FGF12: variants seen among roughly 807,000 people sequenced by gnomAD.
FGF12 encodes the protein fibroblast growth factor 12.
A neutral mutation model predicts 23.6 loss-of-function variants in FGF12; 14 were observed. The observed-to-expected ratio is 0.59, with a 90% CI of 0.39 to 0.93. FGF12 has a LOEUF of 0.93. FGF12 is among the 40% of genes least tolerant of loss of function. FGF12 has a pLI of 0.00. For synonymous variants in FGF12, 62 were observed against 77.3 expected, an observed-to-expected ratio of 0.80 and a Z score of 1.04; for missense variants, 175 against 217.8, an observed-to-expected ratio of 0.80 and a Z score of 1.24.
intron 2 of FGF12, among the ~76,000 whole-genome samples, chr3:192,719,802 A>ACC (rs1553849218): frequency 2.2e-5 from 3 of 138,960 alleles, no homozygotes; most frequent in East Asian, 4.5e-4. Flanking sequence ...AAAAAAAAAA[A>ACC]AAGAAAAACA....
chr3:192,353,221 T>A (rs1235153466), intron 3 of FGF12, among the ~76,000 whole-genome samples: 2 of 152,146 alleles, frequency 1.3e-5, no homozygotes, highest in Non-Finnish European at 1.5e-5. Flanking sequence ...ATACACTTGG[T>A]TAAGGAGCTC....
At chr3:192,475,373 T>G (rs1419711349) in intron 2 of FGF12, among the ~76,000 whole-genome samples, 2 of 152,260 alleles carry the variant, frequency 1.3e-5, no homozygotes, top group East Asian at 3.9e-4. Flanking sequence ...ATAAACGGAA[T>G]GACTGGGACA....
intron 3 of FGF12, among the ~76,000 whole-genome samples, chr3:192,357,615 G>A (rs888552139): frequency 1.1e-4 from 17 of 151,814 alleles, no homozygotes; most frequent in African/African-American, 3.9e-4. Flanking sequence ...TGACGGAGAC[G>A]TTCATGCACC....
At chr3:192,145,630 C>T (rs1486994111) in intron 5 of FGF12, among the ~76,000 whole-genome samples, 1 of 152,178 alleles carries the variant, frequency 6.6e-6, no homozygotes, top group African/African-American at 2.4e-5. Context: ...TGTGTTAAGG[C>T]TGTTATGTAA....
chr3:192,331,008 A>T, intron 4 of FGF12, among the ~76,000 whole-genome samples: 1 of 151,278 alleles, frequency 6.6e-6, no homozygotes, highest in Non-Finnish European at 1.5e-5. Context: ...ACAACTCAGT[A>T]ACAACAACAA....
rs558543349 is a variant in FGF12, at chr3:192,576,297, G to A, written c.13+150884C>T. Among the ~76,000 whole-genome samples the A allele has an allele frequency of 2.6e-5, 4 of 152,284 alleles. No homozygotes were observed. The East Asian group carries it at 7.7e-4, about 29-fold the overall frequency. ...ATGATTTCATCCGCACAGCAACCAT[G>A]TTGTAACAAAGGCAGGGAATGTTAC... On this transcript the variant is annotated intron_variant, in intron 2 of 5. Coordinates refer to ENST00000445105, the MANE Select transcript of FGF12 (RefSeq NM_004113.6).
chr3:192,351,955 A>C (rs751368223), intron 3 of FGF12, among the ~76,000 whole-genome samples: 1 of 152,204 alleles, frequency 6.6e-6, no homozygotes, highest in Non-Finnish European at 1.5e-5. Flanking sequence ...CATCGCAAGC[A>C]AAATAAATTT....
chr3:192,278,807 C>T (rs145808407), intron 4 of FGF12, among the ~76,000 whole-genome samples: 2 of 152,250 alleles, frequency 1.3e-5, no homozygotes, highest in East Asian at 1.9e-4. Context: ...AGTAGGTAAG[C>T]GCTACCCCCA....
intron 4 of FGF12, among the ~76,000 whole-genome samples, chr3:192,239,522 ACTGGT>A (rs1388072960): frequency 1.3e-5 from 2 of 152,140 alleles, no homozygotes; most frequent in African/African-American, 2.4e-5. Context: ...ACAGACTGGT[ACTGGT>A]CTGTGGCCTG....
intron 2 of FGF12, among the ~76,000 whole-genome samples, chr3:192,490,384 T>A (rs1275990678): frequency 6.6e-6 from 1 of 152,108 alleles, no homozygotes; most frequent in African/African-American, 2.4e-5. Flanking sequence ...CTACCCCTAG[T>A]AATGTTTCAA....
intron 2 of FGF12, among the ~76,000 whole-genome samples, chr3:192,558,483 T>C (rs1304742570): frequency 6.6e-6 from 1 of 151,880 alleles, no homozygotes; most frequent in Admixed American, 6.6e-5. Context: ...GAAAAATTAA[T>C]ATTGCTAAAA....
chr3:192,370,962 G>A (rs1000896474), intron 2 of FGF12, among the ~76,000 whole-genome samples: 2 of 152,178 alleles, frequency 1.3e-5, no homozygotes, highest in African/African-American at 4.8e-5. Flanking sequence ...CTTAACGCAG[G>A]CATTCCCATG....
chr3:192,652,687 C>T (rs558779383), intron 2 of FGF12, among the ~76,000 whole-genome samples: 60 of 152,130 alleles, frequency 3.9e-4, no homozygotes, highest in Non-Finnish European at 5.1e-4. Context: ...AGGGTAGGGC[C>T]CAGAAGTCTG....
chr3:192,522,155 G>T (rs938460284), intron 2 of FGF12, among the ~76,000 whole-genome samples: 1 of 147,920 alleles, frequency 6.8e-6, no homozygotes, highest in Non-Finnish European at 1.5e-5. Context: ...CCGAGATCGC[G>T]CCACTGCACT....
chr3:192,291,514 T>TCGAGGTTGCAGTGAGC (rs1375634724), intron 4 of FGF12, among the ~76,000 whole-genome samples: 3 of 151,574 alleles, frequency 2.0e-5, no homozygotes, highest in Non-Finnish European at 1.5e-5. Flanking sequence ...GCCTGGGAGG[T>TCGAGGTTGCAGTGAGC]CGAGGTTGCA....
intron 4 of FGF12, among the ~76,000 whole-genome samples, chr3:192,284,292 G>A (rs1577318627): frequency 6.6e-6 from 1 of 152,062 alleles, no homozygotes; most frequent in Non-Finnish European, 1.5e-5. Context: ...TGATCACAGG[G>A]CACCCTGCCC....
intron 2 of FGF12, among the ~76,000 whole-genome samples, chr3:192,396,433 C>T (rs1720521631): frequency 6.6e-6 from 1 of 152,182 alleles, no homozygotes; most frequent in Admixed American, 6.5e-5. Flanking sequence ...GCTCTTGCTA[C>T]CAGCATTGGG....
chr3:192,427,364 G>C (rs1326779348), intron 2 of FGF12, among the ~76,000 whole-genome samples: 2 of 142,160 alleles, frequency 1.4e-5, no homozygotes, highest in Non-Finnish European at 3.0e-5. Flanking sequence ...GGGCGACAGA[G>C]CAGGACTCCG....
intron 2 of FGF12, among the ~76,000 whole-genome samples, chr3:192,361,589 C>T (rs1447229684): frequency 1.3e-5 from 2 of 152,148 alleles, no homozygotes; most frequent in Non-Finnish European, 2.9e-5. Context: ...CAACTTCATC[C>T]TTCATCCATT....
Sources: gnomAD v4.1 joint callset for allele counts (sites outside exome capture counted in the v4.1 genomes callset) on GRCh38, gnomAD v4.1.1 for gene constraint, MANE v1.5 for transcripts, NCBI Gene and HGNC (gene_info 2026-07-23, HGNC 2026-07-21) for gene names.